The following ADCY8 variants were observed in gnomAD, a reference collection of about 807,000 sequenced individuals.
The protein encoded by ADCY8 is adenylate cyclase type 8.
ADCY8 carries 51 observed loss-of-function variants against 119.7 expected under a neutral mutation model. The observed-to-expected ratio is 0.43, with a 90% CI of 0.34 to 0.54. The LOEUF is 0.54. ADCY8 is among the 20% of genes least tolerant of loss of function. ADCY8 has a pLI of 0.03. For synonymous variants in ADCY8, 665 were observed against 651.0 expected (o/e 1.02, Z -0.33); for missense variants, 1,383 against 1,598.8 (o/e 0.87, Z 2.30).
intron 2 of ADCY8, among the ~76,000 whole-genome samples, chr8:130,988,707 A>C (rs930343610): frequency 6.6e-6 from 1 of 152,202 alleles, no homozygotes; most frequent in African/African-American, 2.4e-5. Flanking sequence ...CAAACTTAAA[A>C]AAAATAAAGA....
chr8:130,875,586 T>C (rs1370303157), intron 8 of ADCY8, among the ~76,000 whole-genome samples: 1 of 152,202 alleles, frequency 6.6e-6, no homozygotes, highest in Non-Finnish European at 1.5e-5. Context: ...TCATAACCCA[T>C]CAGAAAATTC....
intron 5 of ADCY8, among the ~76,000 whole-genome samples, chr8:130,928,991 C>T (rs1035241577): frequency 6.6e-6 from 1 of 152,000 alleles, no homozygotes; most frequent in African/African-American, 2.4e-5. Flanking sequence ...TTAAGATTTT[C>T]TATTTCTTCA....
At position 131,039,969 on chromosome 8, in the gene ADCY8, C is replaced by CCGCTGCCGCTGG. The variant is rs1824316400; in HGVS notation, c.353_364dup (p.Ala118_Ser121dup). 1.3e-6 allele frequency: 2 copies of CCGCTGCCGCTGG among 1,582,948 alleles called. No homozygotes were observed. The highest frequency in any genetic ancestry group is 1.1e-5 in the South Asian group (1 of 88,056). ...CAGGAAGCCCAGGTCGCCCCCGCCTCCGCTGCCGCTGGCACTGCCGCTCCC... is the reference window on the plus strand; with the variant it reads ...CAGGAAGCCCAGGTCGCCCCCGCCTCCGCTGCCGCTGGCGCTGCCGCTGGCACTGCCGCTCCC... On this transcript the variant is annotated inframe_insertion, in exon 1 of 18. Coordinates refer to ENST00000286355, the MANE Select transcript of ADCY8 (RefSeq NM_001115.3).
chr8:130,827,784 G>C (rs927631318), intron 12 of ADCY8, among the ~76,000 whole-genome samples: 1 of 152,208 alleles, frequency 6.6e-6, no homozygotes, highest in Non-Finnish European at 1.5e-5. Context: ...ATGGTAAATA[G>C]AGGAGTGGAC....
intron 9 of ADCY8, among the ~76,000 whole-genome samples, chr8:130,851,603 C>T (rs989727590): frequency 3.9e-5 from 6 of 151,968 alleles, no homozygotes; most frequent in East Asian, 1.9e-4. Context: ...GAAGAGGAAA[C>T]GTGTTCAGAA....
At chr8:130,899,620 A>AT (rs1819529687) in intron 7 of ADCY8, among the ~76,000 whole-genome samples, 1 of 151,618 alleles carries the variant, frequency 6.6e-6, no homozygotes, top group Non-Finnish European at 1.5e-5. Context: ...AAAAAAAAAA[A>AT]GGAGAAAAGA....
At chr8:130,808,981 C>T (rs1325260497) in intron 14 of ADCY8, among the ~76,000 whole-genome samples, 4 of 151,806 alleles carry the variant, frequency 2.6e-5, no homozygotes, top group Non-Finnish European at 5.9e-5. Context: ...TCAGGCCGGA[C>T]CTCCAGCTGG....
chr8:130,784,538 G>T (rs1464321949), intron 16 of ADCY8, among the ~76,000 whole-genome samples: 5 of 152,176 alleles, frequency 3.3e-5, no homozygotes, highest in Non-Finnish European at 5.9e-5. Flanking sequence ...TTTAAGGTTT[G>T]TCGACCATAT....
intron 5 of ADCY8, among the ~76,000 whole-genome samples, chr8:130,918,938 G>A (rs1820213430): frequency 6.6e-6 from 1 of 152,314 alleles, no homozygotes; most frequent in East Asian, 1.9e-4. Context: ...GCACACGCCT[G>A]TAGTCCCAGC....
At chr8:130,889,500 A>C (rs1819109020) in intron 7 of ADCY8, among the ~76,000 whole-genome samples, 1 of 152,128 alleles carries the variant, frequency 6.6e-6, no homozygotes, top group South Asian at 2.1e-4. Context: ...GTTTCATGGA[A>C]TGCTATTTGG....
chr8:130,924,605 C>T (rs1040473795), intron 5 of ADCY8, among the ~76,000 whole-genome samples: 1 of 152,158 alleles, frequency 6.6e-6, no homozygotes, highest in Non-Finnish European at 1.5e-5. Context: ...CAGCCTGAGA[C>T]ACCGTACCAT....
intron 10 of ADCY8, among the ~76,000 whole-genome samples, chr8:130,849,320 A>G (rs16904376): frequency 0.033 from 5,044 of 152,344 alleles, 115 homozygotes; most frequent in South Asian, 0.082. Context: ...ACTCTTATTT[A>G]TGATGTAATT....
In ADCY8 at chr8:130,990,439, C is replaced by T; in HGVS notation, c.1064G>A (p.Arg355Lys). Residue 355 changes from arginine (R) to lysine (K), a missense_variant, in exon 2 of 18, where the codon AGG becomes AAG. Arg to Lys is a conservative substitution (Grantham distance 26). Transcript: ENST00000286355. ...CAGGCGCAGCCTGGCCTCCACACAC[C>T]TCCGAGTCTCCAGGAAAGCTTGGCG... ...AQRQAFLETR[R>K]CVEARLRLET... is the part of the protein sequence containing the mutation. 1.2e-6 allele frequency: 2 copies of T among 1,614,220 alleles called. No individual in the cohort carries two copies. Among genetic ancestry groups the T allele is most frequent in the Non-Finnish European group, 1.7e-6 (2 of 1,180,026 alleles).
At chr8:130,854,137 CATTT>C (rs1238149199) in intron 9 of ADCY8, among the ~76,000 whole-genome samples, 1 of 152,190 alleles carries the variant, frequency 6.6e-6, no homozygotes, top group Admixed American at 6.5e-5. Flanking sequence ...CCTCAGCATT[CATTT>C]ATTTCTTTAC....
In ADCY8 at chr8:130,847,421, T is replaced by C; in HGVS notation, c.2502+3A>G. 2 of 1,606,972 alleles carry C rather than the reference T, an allele frequency of 1.2e-6. No individual in the cohort carries two copies. Among genetic ancestry groups the C allele is most frequent in the Non-Finnish European group, 1.7e-6 (2 of 1,175,440 alleles). The stretch of plus-strand genomic sequence containing the variant: ...TCACCAAGGGGAGCTCATAAATAAA[T>C]ACCTCTGGGTAGGAGCAGATATCTG... On this transcript the variant is annotated splice_donor_region_variant and intron_variant, in intron 11 of 17. Transcript: ENST00000286355.
At chr8:130,849,526 G>A (rs1817444562) in intron 10 of ADCY8, 76 bp downstream of exon 10, 6 of 1,467,884 alleles carry the variant, frequency 4.1e-6, no homozygotes, top group Non-Finnish European at 4.7e-6. Flanking sequence ...GGTAATGCAG[G>A]AAGCTGCAGG....
intron 9 of ADCY8, 26 bp from the exon 10 acceptor site, chr8:130,849,829 T>A: frequency 1.3e-6 from 2 of 1,594,498 alleles, no homozygotes; most frequent in Non-Finnish European, 1.7e-6. Context: ...GAATGTTGGG[T>A]CATTGGCATC....
intron 8 of ADCY8, among the ~76,000 whole-genome samples, chr8:130,876,092 C>T (rs958011458): frequency 5.3e-5 from 8 of 152,000 alleles, no homozygotes; most frequent in Non-Finnish European, 1.2e-4. Context: ...GCTCTGTCAC[C>T]CAGGCTGGAG....
chr8:130,850,682 T>C (rs1352716289), intron 9 of ADCY8, among the ~76,000 whole-genome samples: 1 of 152,072 alleles, frequency 6.6e-6, no homozygotes, highest in African/African-American at 2.4e-5. Context: ...CTGCTCCTTT[T>C]TCTATAAATT....
Sources: gnomAD v4.1 joint callset for allele counts (sites outside exome capture counted in the v4.1 genomes callset) on GRCh38, gnomAD v4.1.1 for gene constraint, MANE v1.5 for transcripts, NCBI Gene and HGNC (gene_info 2026-07-23, HGNC 2026-07-21) for gene names.